Variants in PAPPA observed in about 807,000 individuals in gnomAD.
PAPPA encodes pappalysin 1, also known as pappalysin-1.
PAPPA carries 60 observed loss-of-function variants against 164.0 expected under a neutral mutation model. That is an observed-to-expected ratio of 0.37 (90% confidence interval 0.30 to 0.45). The LOEUF is 0.45. PAPPA is among the 20% of genes least tolerant of loss of function. The probability of loss-of-function intolerance (pLI) is 1.00; values close to 1 mark genes in which losing one functional copy is unlikely to be tolerated. For synonymous variants in PAPPA, 875 were observed against 814.1 expected (o/e 1.07, Z -1.27); for missense variants, 1,782 against 2,087.3 (o/e 0.85, Z 2.85).
intron 10 of PAPPA, among the ~76,000 whole-genome samples, chr9:116,318,033 C>T (rs1034380378): frequency 6.6e-6 from 1 of 152,216 alleles, no homozygotes; most frequent in Non-Finnish European, 1.5e-5. Flanking sequence ...TTATCCTTCA[C>T]GCCTCCGCTG....
At chr9:116,394,245 A>C (rs1032649962) in intron 21 of PAPPA, among the ~76,000 whole-genome samples, 1 of 152,124 alleles carries the variant, frequency 6.6e-6, no homozygotes, top group African/African-American at 2.4e-5. Context: ...TGAGGGAGAA[A>C]TCTGATTCAG....
chr9:116,250,720 C>T (rs1170870560), intron 7 of PAPPA, among the ~76,000 whole-genome samples: 1 of 152,234 alleles, frequency 6.6e-6, no homozygotes. Flanking sequence ...CCAGGACTGA[C>T]ACTTGACATA....
chr9:116,375,976 T>G (rs1308932357), intron 19 of PAPPA, among the ~76,000 whole-genome samples: 1 of 152,038 alleles, frequency 6.6e-6, no homozygotes, highest in African/African-American at 2.4e-5. Flanking sequence ...TAATCTGGCA[T>G]GAAAACTGGG....
At chr9:116,159,844 T>C (rs1843647244) in intron 1 of PAPPA, among the ~76,000 whole-genome samples, 1 of 152,182 alleles carries the variant, frequency 6.6e-6, no homozygotes, top group African/African-American at 2.4e-5. Context: ...TCAGTGATCA[T>C]CTGGGTCAAA....
At chr9:116,172,270 T>C (rs186834481) in intron 1 of PAPPA, among the ~76,000 whole-genome samples, 10 of 152,326 alleles carry the variant, frequency 6.6e-5, no homozygotes, top group Non-Finnish European at 1.3e-4. Flanking sequence ...CATAAACCTC[T>C]CTAGATTCTC....
At chr9:116,284,722 A>T (rs1049511126) in intron 9 of PAPPA, among the ~76,000 whole-genome samples, 1 of 152,048 alleles carries the variant, frequency 6.6e-6, no homozygotes, top group Non-Finnish European at 1.5e-5. Context: ...CCAACCAGAC[A>T]TTTAAACAGA....
At chr9:116,284,856 A>T (rs1245838350) in intron 9 of PAPPA, among the ~76,000 whole-genome samples, 2 of 152,086 alleles carry the variant, frequency 1.3e-5, no homozygotes, top group African/African-American at 4.8e-5. Flanking sequence ...CTCTCGCCCC[A>T]TGATCATTAC....
At position 116,168,535 on chromosome 9, in the gene PAPPA, A is replaced by C. The variant is rs566544341; in HGVS notation, c.415+13948A>C. Among the ~76,000 whole-genome samples, 20 of 152,370 alleles carry C rather than the reference A, an allele frequency of 1.3e-4. No homozygotes were observed. The South Asian group carries it at 3.9e-3, about 30-fold the overall frequency. On this transcript the variant is annotated intron_variant, in intron 1 of 21. Coordinates refer to ENST00000328252, the MANE Select transcript of PAPPA (RefSeq NM_002581.5). The stretch of plus-strand genomic sequence containing the variant: ...AAAAGTGCTCTGAAATTTCAAAGGC[A>C]TAAGTGATCTTTTCCACCTGGAAGG...
At position 116,335,160 on chromosome 9, in the gene PAPPA, G is replaced by A. The variant is rs946405175; in HGVS notation, c.3611+86G>A. 3 of 1,138,104 alleles carry A rather than the reference G, an allele frequency of 2.6e-6. No individual in the cohort carries two copies. The East Asian group carries it at 7.1e-5, about 27-fold the overall frequency. The allele number at this position is 1,138,104 out of a possible 1,614,324, so 70.5% of individuals were successfully genotyped here. On this transcript the variant is annotated intron_variant, in intron 13 of 21. Transcript: ENST00000328252. ...TTTGAAGCTGGGTAGCCATTTGTGT[G>A]GATGTAAAAAGTCTGTGCATTTCTC...
chr9:116,356,943 C>A lies in PAPPA; in HGVS notation c.4347+3150C>A, dbSNP rs113585147. 3.2e-3 allele frequency among the ~76,000 whole-genome samples: 482 copies of A among 152,276 alleles called. 2 individuals are homozygous for A. Among genetic ancestry groups the A allele is most frequent in the African/African-American group, 0.011 (441 of 41,566 alleles). On this transcript the variant is annotated intron_variant, in intron 17 of 21. Coordinates refer to ENST00000328252, the MANE Select transcript of PAPPA (RefSeq NM_002581.5). The stretch of plus-strand genomic sequence containing the variant: ...ACCTGCACGTTCTGCACATGTATCC[C>A]AGAACTTAAAGTAAACAAAGCAAAA...
At chr9:116,353,170 A>C (rs10983112) in intron 16 of PAPPA, among the ~76,000 whole-genome samples, 24,441 of 150,468 alleles carry the variant, frequency 0.16, 2,085 homozygotes, top group Non-Finnish European at 0.2. Flanking sequence ...TCTGCACTTC[A>C]TTTTTTTTTT....
At chr9:116,344,737 C>T in intron 14 of PAPPA, 26 bp downstream of exon 14, 7 of 1,598,214 alleles carry the variant, frequency 4.4e-6, no homozygotes, top group Non-Finnish European at 6.0e-6. Flanking sequence ...GAGCTCAGAG[C>T]CTCTCTGCAG....
chr9:116,253,488 G>C (rs115313826), intron 7 of PAPPA, among the ~76,000 whole-genome samples: 2 of 152,266 alleles, frequency 1.3e-5, no homozygotes, highest in African/African-American at 4.8e-5. Flanking sequence ...TCCACAGTCA[G>C]TATGTTAAAC....
chr9:116,158,256 C>G (rs1455868799), intron 1 of PAPPA, among the ~76,000 whole-genome samples: 1 of 152,096 alleles, frequency 6.6e-6, no homozygotes. Flanking sequence ...CCACCCAACC[C>G]TCAAAAAAGA....
In PAPPA at chr9:116,211,117, C is replaced by T. The variant is rs116834405; in HGVS notation, c.1625-522C>T. 8.0e-3 allele frequency among the ~76,000 whole-genome samples: 1,216 copies of T among 152,312 alleles called. 13 individuals carry two copies. The highest frequency in any genetic ancestry group is 0.027 in the African/African-American group (1,135 of 41,560). ...ACCTTCATTAGCGTTCATGCTCTTA[C>T]AGCATCAGGGATGAAGATATGAGAT... On this transcript the variant is annotated intron_variant, in intron 3 of 21. Transcript: ENST00000328252.
At chr9:116,160,326 A>T (rs934521894) in intron 1 of PAPPA, among the ~76,000 whole-genome samples, 8 of 152,230 alleles carry the variant, frequency 5.3e-5, no homozygotes, top group Middle Eastern at 3.4e-3. Flanking sequence ...TTCCAGTGCC[A>T]TTCCTGTGTG....
intron 1 of PAPPA, among the ~76,000 whole-genome samples, chr9:116,186,240 CTATATCTA>C (rs1300760700): frequency 1.2e-4 from 17 of 142,858 alleles, no homozygotes; most frequent in Non-Finnish European, 2.0e-4. Context: ...GTGTGTGTAT[CTATATCTA>C]TATATCTATA....
chr9:116,341,105 A>C (rs571846830), intron 13 of PAPPA, among the ~76,000 whole-genome samples: 1 of 151,690 alleles, frequency 6.6e-6, no homozygotes, highest in East Asian at 1.9e-4. Context: ...CAGTGGTGTA[A>C]TCTTGTCTCA....
At position 116,261,886 on chromosome 9, in the gene PAPPA, A is replaced by AAT. The variant is rs79052164; in HGVS notation, c.2733-3971_2733-3970insAT. 8.3e-4 allele frequency among the ~76,000 whole-genome samples: 102 copies of AAT among 123,478 alleles called. 1 individual carries two copies. Among genetic ancestry groups the AAT allele is most frequent in the African/African-American group, 2.9e-3 (99 of 33,764 alleles). The allele number at this position is 123,478 out of a possible 152,430, so 81.0% of individuals were successfully genotyped here. On this transcript the variant is annotated intron_variant, in intron 7 of 21. Transcript: ENST00000328252. ...AGAATGACGGTTAAATGTAGAAAAA[A>AAT]GTGTTTTGTTTTGTTTTGTTTTGTT...
Sources: allele counts gnomAD v4.1 joint callset (sites outside exome capture counted in the v4.1 genomes callset), GRCh38; gene constraint gnomAD v4.1.1; transcripts MANE v1.5; gene names NCBI Gene and HGNC (gene_info 2026-07-23, HGNC 2026-07-21).